Variants in PPP2R5A observed in about 807,000 individuals in gnomAD.
PPP2R5A encodes serine/threonine-protein phosphatase 2A 56 kDa regulatory subunit alpha isoform.
PPP2R5A carries 25 observed loss-of-function variants against 64.2 expected under a neutral mutation model. That is an observed-to-expected ratio of 0.39 (90% CI 0.28 to 0.54). PPP2R5A has a LOEUF of 0.54. Among genes scored for constraint, PPP2R5A ranks in the 20% least tolerant of loss-of-function variants. The probability of loss-of-function intolerance (pLI) is 0.67; values close to 1 mark genes in which losing one functional copy is unlikely to be tolerated. For missense variants in PPP2R5A, 425 were observed against 576.3 expected (o/e 0.74, Z 2.69); for synonymous variants, 198 against 201.2 (o/e 0.98, Z 0.13).
chr1:212,308,262 G>A (rs1658957631), intron 1 of PPP2R5A, among the ~76,000 whole-genome samples: 1 of 152,036 alleles, frequency 6.6e-6, no homozygotes, highest in African/African-American at 2.4e-5. Flanking sequence ...GTAACTAGTT[G>A]TTTTTCTCTT....
intron 1 of PPP2R5A, among the ~76,000 whole-genome samples, chr1:212,312,219 A>G (rs1304150116): frequency 1.3e-5 from 2 of 152,220 alleles, no homozygotes; most frequent in Admixed American, 1.3e-4. Flanking sequence ...AGGCTCTACC[A>G]TATAGCCTAG....
chr1:212,330,547 C>CAA (rs5780687), intron 2 of PPP2R5A, among the ~76,000 whole-genome samples: 43,722 of 146,088 alleles, frequency 0.3, 6,928 homozygotes, highest in Non-Finnish European at 0.37. Flanking sequence ...CACCTTGTCT[C>CAA]AAAAAAAAAA....
chr1:212,358,339 A>G (rs1660020159), intron 11 of PPP2R5A: 2 of 162,312 alleles, frequency 1.2e-5, no homozygotes, highest in South Asian at 1.7e-4. Context: ...TCTACTTTTC[A>G]TAAGTTTTGG....
At chr1:212,329,771 G>A (rs543319037) in intron 2 of PPP2R5A, among the ~76,000 whole-genome samples, 2 of 152,202 alleles carry the variant, frequency 1.3e-5, no homozygotes, top group Admixed American at 6.5e-5. Flanking sequence ...TCAGCCTCCC[G>A]AGTAGCTGGG....
At chr1:212,293,266 A>G (rs1253525223) in intron 1 of PPP2R5A, among the ~76,000 whole-genome samples, 1 of 152,248 alleles carries the variant, frequency 6.6e-6, no homozygotes, top group Non-Finnish European at 1.5e-5. Context: ...AAGTTATTGT[A>G]TAAGATTTGT....
chr1:212,318,786 T>C (rs1050221754), intron 1 of PPP2R5A, among the ~76,000 whole-genome samples: 3 of 152,176 alleles, frequency 2.0e-5, no homozygotes, highest in South Asian at 2.1e-4. Flanking sequence ...ATATAACAAC[T>C]GTTTACATAG....
chr1:212,342,954 T>TC (rs1436520143), intron 4 of PPP2R5A, among the ~76,000 whole-genome samples: 3 of 145,736 alleles, frequency 2.1e-5, no homozygotes, highest in East Asian at 2.3e-4. Context: ...TTTAAAGGCC[T>TC]CTTTTTTTTT....
At chr1:212,294,113 T>G (rs1411092242) in intron 1 of PPP2R5A, among the ~76,000 whole-genome samples, 1 of 152,216 alleles carries the variant, frequency 6.6e-6, no homozygotes, top group Non-Finnish European at 1.5e-5. Context: ...TCTAAAATTG[T>G]ATATTTTTTT....
intron 3 of PPP2R5A, among the ~76,000 whole-genome samples, chr1:212,338,041 C>T (rs1659619093): frequency 6.6e-6 from 1 of 152,180 alleles, no homozygotes; most frequent in Non-Finnish European, 1.5e-5. Context: ...ACTTGTAGGT[C>T]TTTAAAGTTT....
At chr1:212,320,592 C>G (rs969567340) in intron 1 of PPP2R5A, among the ~76,000 whole-genome samples, 2 of 149,206 alleles carry the variant, frequency 1.3e-5, no homozygotes, top group African/African-American at 4.9e-5. Flanking sequence ...CCCCGCCTCC[C>G]TCCCGGACGG....
chr1:212,330,031 T>C (rs1024377169), intron 2 of PPP2R5A, among the ~76,000 whole-genome samples: 12 of 152,170 alleles, frequency 7.9e-5, no homozygotes, highest in Non-Finnish European at 1.8e-4. Flanking sequence ...GAGTCAGGTA[T>C]AACGCTTTAA....
intron 3 of PPP2R5A, among the ~76,000 whole-genome samples, chr1:212,339,063 G>A (rs79958081): frequency 6.6e-6 from 1 of 152,024 alleles, no homozygotes; most frequent in African/African-American, 2.4e-5. Context: ...AGTGACACTG[G>A]GACAGGATAA....
chr1:212,294,956 T>C (rs1033397266), intron 1 of PPP2R5A, among the ~76,000 whole-genome samples: 8 of 152,094 alleles, frequency 5.3e-5, no homozygotes, highest in African/African-American at 1.9e-4. Flanking sequence ...CCAAAGGTAA[T>C]TGAGCATAGC....
Position 212,286,118 on chromosome 1 carries a change from C to T in PPP2R5A, c.8C>T (p.Ser3Leu), listed in dbSNP as rs1435988405. 1 of 1,572,796 alleles carries T rather than the reference C, an allele frequency of 6.4e-7. No individual in the cohort carries two copies. The highest frequency in any genetic ancestry group is 8.6e-7 in the Non-Finnish European group (1 of 1,163,048). The change falls in exon 1 of 13, where the codon TCG becomes TTG. Residue 3 changes from serine to leucine, a missense_variant. Physicochemically the swap from Ser to Leu is moderately radical, Grantham distance 145. Coordinates refer to ENST00000261461, the MANE Select transcript of PPP2R5A (RefSeq NM_006243.4). MS[S>L]SSPPAGAASA... is the part of the protein sequence containing the mutation. ...AGCGTCAGGGCCGCGGAGATGTCGTCGTCGTCGCCGCCGGCGGGGGCTGCC... is the reference window on the plus strand; with the variant it reads ...AGCGTCAGGGCCGCGGAGATGTCGTTGTCGTCGCCGCCGGCGGGGGCTGCC...
chr1:212,299,923 C>A (rs1364729736), intron 1 of PPP2R5A, among the ~76,000 whole-genome samples: 1 of 151,500 alleles, frequency 6.6e-6, no homozygotes, highest in Non-Finnish European at 1.5e-5. Flanking sequence ...AGCAGTTCTT[C>A]TGCCTCAGCC....
At chr1:212,343,278 T>TTGGC (rs1194152866) in intron 4 of PPP2R5A, among the ~76,000 whole-genome samples, 1 of 152,166 alleles carries the variant, frequency 6.6e-6, no homozygotes, top group Non-Finnish European at 1.5e-5. Context: ...CTATATGGAA[T>TTGGC]TGGCTGGCCC....
chr1:212,317,470 G>A (rs553067213), intron 1 of PPP2R5A, among the ~76,000 whole-genome samples: 1 of 152,298 alleles, frequency 6.6e-6, no homozygotes, highest in Admixed American at 6.5e-5. Context: ...TTCACATACT[G>A]TAAAGCAGTG....
chr1:212,297,089 GCTT>G (rs1558138691), intron 1 of PPP2R5A, among the ~76,000 whole-genome samples: 5 of 111,218 alleles, frequency 4.5e-5, no homozygotes, highest in South Asian at 3.4e-4. Context: ...CTTTTTCTTT[GCTT>G]CTTCTTTTTT....
intron 1 of PPP2R5A, among the ~76,000 whole-genome samples, chr1:212,316,866 C>T (rs1224440882): frequency 6.6e-6 from 1 of 151,936 alleles, no homozygotes; most frequent in Admixed American, 6.6e-5. Flanking sequence ...ATGTAGGAAC[C>T]TCCTCTGGCA....
Sources: gnomAD v4.1 joint callset for allele counts (sites outside exome capture counted in the v4.1 genomes callset) on GRCh38, gnomAD v4.1.1 for gene constraint, MANE v1.5 for transcripts, NCBI Gene and HGNC (gene_info 2026-07-23, HGNC 2026-07-21) for gene names.